The following FHIT variants were observed in gnomAD, a reference collection of about 807,000 sequenced individuals.
FHIT encodes the protein bis(5'-adenosyl)-triphosphatase.
A neutral mutation model predicts 17.9 loss-of-function variants in FHIT; 19 were observed. The ratio of observed to expected loss-of-function variants is 1.06; its 90% CI spans 0.74 to 1.56. The LOEUF (loss-of-function observed/expected upper bound fraction) is 1.56, where lower values mean the gene tolerates loss of function less well. Ranked by LOEUF, FHIT falls within the 40% of genes most tolerant of loss-of-function variation. The pLI, the probability that FHIT is intolerant of heterozygous loss-of-function variation, is 0.00. For synonymous variants in FHIT, 81 were observed against 69.7 expected (o/e 1.16, Z -0.81); for missense variants, 248 against 189.2 (o/e 1.31, Z -1.82).
chr3:61,136,148 C>T (rs2036908648), intron 2 of FHIT, among the ~76,000 whole-genome samples: 1 of 152,100 alleles, frequency 6.6e-6, no homozygotes, highest in Non-Finnish European at 1.5e-5. Context: ...GTGATCATAT[C>T]CCATATCCCC....
At chr3:59,987,502 T>G (rs1709038693) in intron 7 of FHIT, among the ~76,000 whole-genome samples, 1 of 152,040 alleles carries the variant, frequency 6.6e-6, no homozygotes, top group Non-Finnish European at 1.5e-5. Flanking sequence ...TAATTAGATG[T>G]TTTAACACGT....
intron 5 of FHIT, among the ~76,000 whole-genome samples, chr3:60,510,743 C>T (rs2034919966): frequency 6.6e-6 from 1 of 152,030 alleles, no homozygotes; most frequent in Non-Finnish European, 1.5e-5. Flanking sequence ...ATAGAAATAC[C>T]TAATTTGTAC....
intron 5 of FHIT, among the ~76,000 whole-genome samples, chr3:60,504,458 C>A (rs1379509992): frequency 6.6e-6 from 1 of 151,326 alleles, no homozygotes; most frequent in Non-Finnish European, 1.5e-5. Flanking sequence ...TTTTTTGGTT[C>A]AACAAAGCTG....
intron 5 of FHIT, among the ~76,000 whole-genome samples, chr3:60,402,406 T>C (rs753525501): frequency 1.3e-5 from 2 of 152,220 alleles, no homozygotes; most frequent in Non-Finnish European, 2.9e-5. Flanking sequence ...TTTTGGGCCA[T>C]GAAATTTATT....
chr3:60,375,512 T>A (rs903700955), intron 5 of FHIT, among the ~76,000 whole-genome samples: 5 of 151,868 alleles, frequency 3.3e-5, no homozygotes, highest in African/African-American at 1.2e-4. Flanking sequence ...GAGGCAGAGG[T>A]TGCAGTGAGC....
chr3:60,552,040 C>T (rs939243958), intron 4 of FHIT, among the ~76,000 whole-genome samples: 6 of 152,096 alleles, frequency 3.9e-5, no homozygotes, highest in African/African-American at 1.4e-4. Flanking sequence ...CTTTCTGTCT[C>T]TGTGGATTTG....
intron 3 of FHIT, among the ~76,000 whole-genome samples, chr3:60,943,646 T>G (rs1241720575): frequency 6.6e-6 from 1 of 152,154 alleles, no homozygotes; most frequent in Non-Finnish European, 1.5e-5. Context: ...TTTCAACTAA[T>G]TAATCTACAG....
chr3:60,528,879 A>G (rs1037906421), intron 5 of FHIT, among the ~76,000 whole-genome samples: 1 of 152,188 alleles, frequency 6.6e-6, no homozygotes, highest in African/African-American at 2.4e-5. Context: ...CACAGTAGAG[A>G]GCTTTCAGGA....
At chr3:60,882,638 G>A (rs1553758255) in intron 3 of FHIT, among the ~76,000 whole-genome samples, 1 of 152,086 alleles carries the variant, frequency 6.6e-6, no homozygotes, top group African/African-American at 2.4e-5. Flanking sequence ...CTCAATAGAT[G>A]CAGAAAAAGA....
intron 3 of FHIT, among the ~76,000 whole-genome samples, chr3:60,843,013 A>G (rs1011918896): frequency 6.6e-6 from 1 of 152,166 alleles, no homozygotes; most frequent in East Asian, 1.9e-4. Flanking sequence ...TAGATATACC[A>G]AAGATTTATT....
At chr3:60,587,579 G>C (rs782026091) in intron 4 of FHIT, among the ~76,000 whole-genome samples, 1 of 151,928 alleles carries the variant, frequency 6.6e-6, no homozygotes, top group Non-Finnish European at 1.5e-5. Flanking sequence ...GATAAAGAAA[G>C]GAATTTAGAG....
intron 7 of FHIT, among the ~76,000 whole-genome samples, chr3:59,980,799 T>C (rs573556528): frequency 6.6e-6 from 1 of 152,276 alleles, no homozygotes; most frequent in South Asian, 2.1e-4. Flanking sequence ...CTTCCCAGCC[T>C]CAAGAATGTG....
At chr3:60,299,342 G>A (rs934825131) in intron 5 of FHIT, among the ~76,000 whole-genome samples, 5 of 152,048 alleles carry the variant, frequency 3.3e-5, no homozygotes, top group African/African-American at 1.2e-4. Context: ...GTCTATGAAG[G>A]ATGTTGGTCT....
intron 5 of FHIT, among the ~76,000 whole-genome samples, chr3:60,047,213 G>T (rs1451614595): frequency 6.6e-6 from 1 of 152,142 alleles, no homozygotes; most frequent in Non-Finnish European, 1.5e-5. Flanking sequence ...ATTCATTCTA[G>T]CAGGAAAAAG....
At chr3:60,533,107 C>A (rs1451350027) in intron 5 of FHIT, among the ~76,000 whole-genome samples, 5 of 151,960 alleles carry the variant, frequency 3.3e-5, no homozygotes, top group Non-Finnish European at 5.9e-5. Context: ...GCCATCAATT[C>A]ATTCACTGCT....
intron 5 of FHIT, among the ~76,000 whole-genome samples, chr3:60,067,080 C>T (rs780870688): frequency 2.6e-5 from 4 of 152,082 alleles, no homozygotes; most frequent in African/African-American, 7.2e-5. Flanking sequence ...CCCCCAAATG[C>T]ACAGCATAAG....
chr3:59,962,494 T>A (rs1373632042), intron 7 of FHIT, among the ~76,000 whole-genome samples: 1 of 152,110 alleles, frequency 6.6e-6, no homozygotes, highest in African/African-American at 2.4e-5. Flanking sequence ...AAAGAGGAAA[T>A]ATGTCATTTG....
At chr3:59,978,055 T>C (rs1043687482) in intron 7 of FHIT, among the ~76,000 whole-genome samples, 1 of 152,216 alleles carries the variant, frequency 6.6e-6, no homozygotes, top group Non-Finnish European at 1.5e-5. Flanking sequence ...ATGTATGGGC[T>C]GTCATGTACA....
At chr3:59,896,690 A>T (rs545891167) in intron 8 of FHIT, among the ~76,000 whole-genome samples, 2 of 152,352 alleles carry the variant, frequency 1.3e-5, no homozygotes, top group East Asian at 3.9e-4. Context: ...GTAAGTTTCC[A>T]AATATGGTTC....
Sources: allele counts gnomAD v4.1 joint callset (sites outside exome capture counted in the v4.1 genomes callset), GRCh38; gene constraint gnomAD v4.1.1; transcripts MANE v1.5; gene names NCBI Gene and HGNC (gene_info 2026-07-23, HGNC 2026-07-21).